Variants in GARNL3 observed in about 807,000 individuals in gnomAD.
GARNL3 encodes GTPase activating Rap/RanGAP domain like 3.
A neutral mutation model predicts 125.0 loss-of-function variants in GARNL3; 63 were observed. The observed-to-expected ratio is 0.50, with a 90% CI of 0.41 to 0.62. The LOEUF (loss-of-function observed/expected upper bound fraction) is 0.62, where lower values mean the gene tolerates loss of function less well. Among genes scored for constraint, GARNL3 ranks in the 20% least tolerant of loss-of-function variants. The probability of loss-of-function intolerance (pLI) is 0.00; values close to 1 mark genes in which losing one functional copy is unlikely to be tolerated. For synonymous variants in GARNL3, 439 were observed against 457.5 expected (o/e 0.96, Z 0.52); for missense variants, 994 against 1,244.0 (o/e 0.80, Z 3.02).
intron 1 of GARNL3, among the ~76,000 whole-genome samples, chr9:127,228,315 GA>G (rs1345820531): frequency 6.6e-6 from 1 of 152,190 alleles, no homozygotes. Context: ...TAAATTTATA[GA>G]AGTGATGGGA....
chr9:127,338,206 T>C lies in GARNL3; in HGVS notation c.1028+45T>C, dbSNP rs550271017. ...CGATTGCTTGTCCTAATTCTCATGCTTGTTAATTTAGCATTGATTTTTACA... is the reference window on the plus strand; with the variant it reads ...CGATTGCTTGTCCTAATTCTCATGCCTGTTAATTTAGCATTGATTTTTACA... On this transcript the variant is annotated intron_variant, in intron 12 of 27. Transcript: ENST00000373387. The C allele has an allele frequency of 3.6e-6, 5 of 1,400,954 alleles. No homozygotes were observed. In the African/African-American group the frequency reaches 7.1e-5, roughly 20 times the overall value. The allele number at this position is 1,400,954 out of a possible 1,614,324, so 86.8% of individuals were successfully genotyped here. A position where few individuals can be genotyped will look rare whatever the true frequency, so the allele number is the denominator to read the frequency against.
chr9:127,310,581 C>T (rs539824636), intron 2 of GARNL3, among the ~76,000 whole-genome samples: 4 of 152,132 alleles, frequency 2.6e-5, no homozygotes, highest in African/African-American at 7.2e-5. Context: ...TCGAGACCAG[C>T]CTGGCCAACA....
rs2063225992 is a variant in GARNL3, at chr9:127,242,791, G to T, written c.-28-288G>T. On this transcript the variant is annotated intron_variant, in intron 1 of 10. Transcript: ENST00000439286. This position sits in a 1 kb window ranked among gnomAD's most constrained non-coding sequence, Gnocchi z 4.6. ...ATACTGCCTTTCTCTAAACAAGTTT[G>T]TGATTGTTCAAATGCTCACTGGGCC... Among the ~76,000 whole-genome samples, 1 of 152,288 alleles carries T rather than the reference G, an allele frequency of 6.6e-6. No homozygotes were observed. The highest frequency in any genetic ancestry group is 2.1e-4 in the South Asian group (1 of 4,818).
At chr9:127,260,416 G>A (rs1273304624), upstream of GARNL3, among the ~76,000 whole-genome samples, 3 of 152,200 alleles carry the variant, frequency 2.0e-5, no homozygotes, top group Non-Finnish European at 2.9e-5. Context: ...TTTTTGCAAA[G>A]CTCAGACTCT....
Position 127,225,414 on chromosome 9 carries a change from C to T in GARNL3, c.-29+1076C>T, listed in dbSNP as rs1171558519. On this transcript the variant is annotated intron_variant, in intron 1 of 10. Coordinates refer to the GARNL3 transcript ENST00000439286. ...CTTCGAGAGCCCAAGGTACTGCGGA[C>T]GGGGAGGGGTGCGGCCGGGCGGGGT... 8.2e-6 allele frequency: 8 copies of T among 972,060 alleles called. No individual in the cohort carries two copies. In the South Asian group the frequency reaches 1.4e-4, roughly 17 times the overall value. 60.2% of individuals were successfully genotyped at this position (972,060 alleles called of 1,614,324 possible).
intron 1 of GARNL3, among the ~76,000 whole-genome samples, chr9:127,274,238 TG>T (rs973456971): frequency 2.4e-4 from 36 of 152,224 alleles, no homozygotes; most frequent in African/African-American, 8.7e-4. Flanking sequence ...CAACAAAACT[TG>T]GGGAGAATTA....
At chr9:127,238,283 C>T (rs2063146422) in intron 1 of GARNL3, among the ~76,000 whole-genome samples, 1 of 152,172 alleles carries the variant, frequency 6.6e-6, no homozygotes, top group African/African-American at 2.4e-5. Context: ...AATTAGGCCT[C>T]ATCAGGCCTG....
chr9:127,355,561 G>A (rs1421517855), intron 20 of GARNL3, 89 bp downstream of exon 20: 28 of 1,274,652 alleles, frequency 2.2e-5, no homozygotes, highest in Non-Finnish European at 3.1e-5. Context: ...TACCCACTGA[G>A]GTTGTCCCAC....
At chr9:127,247,736 G>A (rs1415761060) in intron 2 of GARNL3, among the ~76,000 whole-genome samples, 22 of 152,142 alleles carry the variant, frequency 1.4e-4, no homozygotes, top group Non-Finnish European at 2.9e-4. Context: ...AGGGTAATTG[G>A]GGTATCCCTC....
chr9:127,354,077 G>T, intron 18 of GARNL3, 133 bp downstream of exon 18: 1 of 715,826 alleles, frequency 1.4e-6, no homozygotes, highest in Non-Finnish European at 2.4e-6. Context: ...TCAGTGCTTG[G>T]GATCCCTCAG....
intron 6 of GARNL3, 79 bp from the exon 7 acceptor site, chr9:127,324,990 A>G (rs1345410233): frequency 1.9e-5 from 27 of 1,414,182 alleles, no homozygotes; most frequent in Non-Finnish European, 2.7e-5. Flanking sequence ...GAGCAAACCA[A>G]AGCTTGGCTT....
chr9:127,371,478 G>A (rs1412986051), intron 22 of GARNL3, among the ~76,000 whole-genome samples: 1 of 152,232 alleles, frequency 6.6e-6, no homozygotes, highest in East Asian at 1.9e-4. Flanking sequence ...GGCTGTGTGT[G>A]TCACAGTGTT....
At chr9:127,269,563 A>G (rs547033001) in intron 1 of GARNL3, among the ~76,000 whole-genome samples, 86 of 152,340 alleles carry the variant, frequency 5.6e-4, no homozygotes, top group African/African-American at 2.0e-3. Flanking sequence ...ATTTCTCCAC[A>G]ATCTTGACAA....
At chr9:127,283,635 A>AC (rs2064160683) in intron 1 of GARNL3, among the ~76,000 whole-genome samples, 1 of 152,186 alleles carries the variant, frequency 6.6e-6, no homozygotes, top group African/African-American at 2.4e-5. Flanking sequence ...GTGCCACTAC[A>AC]CCCCAGCTTG....
chr9:127,307,387 A>C (rs571343827), intron 2 of GARNL3, among the ~76,000 whole-genome samples: 25 of 152,318 alleles, frequency 1.6e-4, no homozygotes, highest in African/African-American at 5.5e-4. Context: ...ACCTGAAAGA[A>C]GCTTGTCTGT....
intron 7 of GARNL3, among the ~76,000 whole-genome samples, chr9:127,330,021 C>T (rs1290665094): frequency 1.3e-5 from 2 of 152,190 alleles, no homozygotes; most frequent in Non-Finnish European, 2.9e-5. Flanking sequence ...AAAGTGGGGG[C>T]CCTAGGCCAG....
At chr9:127,368,684 C>T (rs1831433833) in intron 22 of GARNL3, among the ~76,000 whole-genome samples, 1 of 151,126 alleles carries the variant, frequency 6.6e-6, no homozygotes, top group Non-Finnish European at 1.5e-5. Context: ...CCTGTAATCC[C>T]AGCACTTTGA....
intron 1 of GARNL3, among the ~76,000 whole-genome samples, chr9:127,271,817 A>G (rs1282998574): frequency 1.3e-5 from 2 of 150,212 alleles, no homozygotes; most frequent in African/African-American, 2.5e-5. Context: ...GTAATGATCT[A>G]CTGGTGATTT....
Position 127,355,288 on chromosome 9 carries a change from TC to T in GARNL3, c.1760-7del, listed in dbSNP as rs747326452. The T allele has an allele frequency of 1.1e-5, 18 of 1,612,412 alleles. No individual in the cohort carries two copies. The Admixed American group carries it at 2.8e-4, about 25-fold the overall frequency. ...TCATGTGTAAGGCATCATTTCTTTC[TC>T]CTCCCAGGCTGCCACCTGTATGCTA... is the stretch of plus-strand genomic sequence containing the variant. On this transcript the variant is annotated splice_region_variant and splice_polypyrimidine_tract_variant and intron_variant, in intron 19 of 27. Coordinates refer to ENST00000373387, the MANE Select transcript of GARNL3 (RefSeq NM_032293.5).
Sources: gnomAD v4.1 joint callset for allele counts (sites outside exome capture counted in the v4.1 genomes callset) on GRCh38, gnomAD v4.1.1 for gene constraint, Gnocchi (gnomAD v3.1) non-coding constraint, MANE v1.5 for transcripts, NCBI Gene and HGNC (gene_info 2026-07-23, HGNC 2026-07-21) for gene names.